The following CHRM3 variants were observed in gnomAD, a reference collection of about 807,000 sequenced individuals.
CHRM3 encodes the protein cholinergic receptor muscarinic 3.
Under a neutral mutation model 41.8 loss-of-function variants are expected in CHRM3, and 11 were observed. That is an observed-to-expected ratio of 0.26 (90% CI 0.17 to 0.44). The LOEUF is 0.44. Among genes scored for constraint, CHRM3 ranks in the 20% least tolerant of loss-of-function variants. The probability of loss-of-function intolerance (pLI) is 1.00; values close to 1 mark genes in which losing one functional copy is unlikely to be tolerated. For synonymous variants in CHRM3, 297 were observed against 301.4 expected, an observed-to-expected ratio of 0.99 and a Z score of 0.15; for missense variants, 571 against 745.4, an observed-to-expected ratio of 0.77 and a Z score of 2.72.
intron 4 of CHRM3, among the ~76,000 whole-genome samples, chr1:239,644,277 T>G (rs963260556): frequency 6.6e-6 from 1 of 152,142 alleles, no homozygotes. Flanking sequence ...AAGTCGATAA[T>G]AGACTAAGTG....
intron 5 of CHRM3, among the ~76,000 whole-genome samples, chr1:239,754,433 A>G (rs1666077083): frequency 1.3e-5 from 2 of 152,204 alleles, no homozygotes; most frequent in Admixed American, 1.3e-4. Context: ...TGAAGGCAGT[A>G]CCATCCTTCC....
intron 1 of CHRM3, among the ~76,000 whole-genome samples, chr1:239,490,491 A>T (rs929434806): frequency 5.9e-5 from 9 of 152,288 alleles, no homozygotes; most frequent in Admixed American, 2.0e-4. Context: ...TTACACTTGC[A>T]GTATCAAGCA....
intron 3 of CHRM3, chr1:239,546,249 A>G (rs1173510685): frequency 6.6e-6 from 1 of 152,158 alleles, no homozygotes; most frequent in African/African-American, 2.4e-5. Context: ...GAAGATGTTA[A>G]TTTCATTTCA....
intron 3 of CHRM3, among the ~76,000 whole-genome samples, chr1:239,552,773 G>C (rs1659997031): frequency 6.6e-6 from 1 of 151,540 alleles, no homozygotes; most frequent in East Asian, 1.9e-4. Context: ...TTGCAGGTGT[G>C]AGCCACCACA....
chr1:239,758,531 G>A (rs1029780075), intron 5 of CHRM3, among the ~76,000 whole-genome samples: 3 of 152,176 alleles, frequency 2.0e-5, no homozygotes, highest in African/African-American at 4.8e-5. Context: ...TAGCATAGGT[G>A]TAAATGATTC....
intron 5 of CHRM3, among the ~76,000 whole-genome samples, chr1:239,737,964 T>C (rs1664525289): frequency 6.6e-6 from 1 of 152,108 alleles, no homozygotes; most frequent in African/African-American, 2.4e-5. Flanking sequence ...TGTTTCTTCC[T>C]TATAATACCA....
intron 6 of CHRM3, among the ~76,000 whole-genome samples, chr1:239,856,168 T>C (rs922176593): frequency 3.9e-5 from 6 of 152,170 alleles, no homozygotes; most frequent in African/African-American, 1.4e-4. Context: ...ACCAACTTAT[T>C]TGTACAACCA....
intron 1 of CHRM3, among the ~76,000 whole-genome samples, chr1:239,424,267 C>A (rs112850516): frequency 9.5e-4 from 145 of 152,112 alleles, no homozygotes; most frequent in African/African-American, 3.3e-3. Flanking sequence ...TGCTAAGATT[C>A]TATGTGGCCG....
intron 4 of CHRM3, among the ~76,000 whole-genome samples, chr1:239,652,020 A>AC (rs1672292012): frequency 6.7e-6 from 1 of 148,194 alleles, no homozygotes; most frequent in South Asian, 2.1e-4. Context: ...CTACAAGGCC[A>AC]CCAGCTATGC....
chr1:239,456,744 G>C (rs1171753912), intron 1 of CHRM3, among the ~76,000 whole-genome samples: 2 of 152,176 alleles, frequency 1.3e-5, no homozygotes, highest in East Asian at 3.9e-4. Flanking sequence ...CTGTGGAAGA[G>C]AGTGTGGCCT....
chr1:239,831,407 C>T (rs1199827963), intron 6 of CHRM3, among the ~76,000 whole-genome samples: 4 of 152,068 alleles, frequency 2.6e-5, no homozygotes, highest in African/African-American at 7.2e-5. Context: ...TTACCAATGC[C>T]CTCTTGATCG....
At chr1:239,493,135 C>CTAA (rs1441942411) in intron 2 of CHRM3, among the ~76,000 whole-genome samples, 2 of 152,152 alleles carry the variant, frequency 1.3e-5, no homozygotes, top group Non-Finnish European at 2.9e-5. Flanking sequence ...AAGGAAAAAA[C>CTAA]TAATATTAAA....
chr1:239,897,513 C>T (rs1317159881), intron 6 of CHRM3, among the ~76,000 whole-genome samples: 1 of 152,128 alleles, frequency 6.6e-6, no homozygotes, highest in Non-Finnish European at 1.5e-5. Flanking sequence ...AAGCACTGTT[C>T]TTTATCCTCC....
intron 3 of CHRM3, among the ~76,000 whole-genome samples, chr1:239,609,151 A>C (rs1666704560): frequency 6.6e-6 from 1 of 152,102 alleles, no homozygotes; most frequent in African/African-American, 2.4e-5. Flanking sequence ...TCTACCTCCC[A>C]CCATCATTTC....
chr1:239,623,451 T>C (rs1668640984), intron 3 of CHRM3, among the ~76,000 whole-genome samples: 1 of 151,576 alleles, frequency 6.6e-6, no homozygotes, highest in African/African-American at 2.4e-5. Context: ...CTCATCATTT[T>C]TTATGGCTGC....
intron 3 of CHRM3, among the ~76,000 whole-genome samples, chr1:239,617,300 T>C (rs1305179038): frequency 6.6e-6 from 1 of 152,164 alleles, no homozygotes; most frequent in Non-Finnish European, 1.5e-5. Flanking sequence ...TCCAGTAGAA[T>C]CTAGGAAATG....
intron 2 of CHRM3, among the ~76,000 whole-genome samples, chr1:239,516,606 C>T (rs918030634): frequency 1.3e-5 from 2 of 152,142 alleles, no homozygotes; most frequent in Admixed American, 6.5e-5. Context: ...AGTTCCTTTA[C>T]GCTGAAATGA....
At chr1:239,642,488 C>G (rs527532045) in intron 4 of CHRM3, among the ~76,000 whole-genome samples, 5 of 152,180 alleles carry the variant, frequency 3.3e-5, no homozygotes, top group Middle Eastern at 3.4e-3. Flanking sequence ...TTTATCTAAA[C>G]TTCCCTTCTC....
chr1:239,517,601 T>A (rs9428475), intron 2 of CHRM3, among the ~76,000 whole-genome samples: 105 of 151,996 alleles, frequency 6.9e-4, no homozygotes, highest in Non-Finnish European at 1.3e-3. Flanking sequence ...TCATTATTGA[T>A]GGTAGCCAGG....
Sources: allele counts gnomAD v4.1 joint callset (sites outside exome capture counted in the v4.1 genomes callset), GRCh38; gene constraint gnomAD v4.1.1; transcripts MANE v1.5; gene names NCBI Gene and HGNC (gene_info 2026-07-23, HGNC 2026-07-21).